NECAB1: variants seen among roughly 807,000 people sequenced by gnomAD.
The protein encoded by NECAB1 is N-terminal EF-hand calcium binding protein 1.
A neutral mutation model predicts 57.5 loss-of-function variants in NECAB1; 29 were observed. That is an observed-to-expected ratio of 0.50 (90% CI 0.38 to 0.69). The LOEUF (loss-of-function observed/expected upper bound fraction) is 0.69, where lower values mean the gene tolerates loss of function less well. Among genes scored for constraint, NECAB1 ranks in the 30% least tolerant of loss-of-function variants. NECAB1 has a pLI of 0.00. For missense variants in NECAB1, 372 were observed against 413.8 expected (o/e 0.90, Z 0.88); for synonymous variants, 142 against 147.7 (o/e 0.96, Z 0.28).
At chr8:90,950,687 G>A (rs1372567042) in intron 11 of NECAB1, among the ~76,000 whole-genome samples, 1 of 152,100 alleles carries the variant, frequency 6.6e-6, no homozygotes, top group Non-Finnish European at 1.5e-5. Flanking sequence ...GACACCAACA[G>A]TATTTCAGCC....
At chr8:90,952,825 G>A (rs1024801602) in intron 12 of NECAB1, among the ~76,000 whole-genome samples, 1 of 142,856 alleles carries the variant, frequency 7.0e-6, no homozygotes, top group African/African-American at 2.9e-5. Flanking sequence ...AAAATAGGGA[G>A]AAAAATCTTA....
chr8:90,813,051 G>C (rs532532614), intron 2 of NECAB1: 5 of 152,182 alleles, frequency 3.3e-5, no homozygotes, highest in Admixed American at 2.6e-4. Context: ...AGCCAGGCGC[G>C]GTGGCGGGTG....
At chr8:90,955,112 T>TTAATTA (rs1234665098) in intron 12 of NECAB1, among the ~76,000 whole-genome samples, 6 of 70,816 alleles carry the variant, frequency 8.5e-5, no homozygotes, top group African/African-American at 2.4e-4. Flanking sequence ...GGTATATAAA[T>TTAATTA]TATATATATA....
At chr8:90,872,829 T>C (rs144311675) in intron 4 of NECAB1, among the ~76,000 whole-genome samples, 8 of 152,334 alleles carry the variant, frequency 5.3e-5, no homozygotes, top group African/African-American at 1.9e-4. Flanking sequence ...TGTTTTAAGA[T>C]AAATGTTTAA....
chr8:90,886,357 C>T (rs10808634), intron 5 of NECAB1, among the ~76,000 whole-genome samples: 81,694 of 151,842 alleles, frequency 0.54, 25,967 homozygotes, highest in African/African-American at 0.87. Context: ...GGTTTACTAT[C>T]TGCTAAATAC....
At chr8:90,903,272 T>A (rs562871250) in intron 5 of NECAB1, among the ~76,000 whole-genome samples, 25 of 152,250 alleles carry the variant, frequency 1.6e-4, no homozygotes, top group African/African-American at 2.6e-4. Context: ...AACAATTTTT[T>A]AAAAATATTT....
chr8:90,930,676 T>C (rs1449677092), intron 8 of NECAB1, among the ~76,000 whole-genome samples: 1 of 152,218 alleles, frequency 6.6e-6, no homozygotes, highest in Non-Finnish European at 1.5e-5. Context: ...GTTAAATTTA[T>C]ATTGAACACT....
intron 2 of NECAB1, among the ~76,000 whole-genome samples, chr8:90,807,241 G>A (rs59269639): frequency 0.019 from 2,906 of 152,200 alleles, 94 homozygotes; most frequent in African/African-American, 0.066. Context: ...AAGAATAGTT[G>A]ATGTAGTATT....
intron 3 of NECAB1, among the ~76,000 whole-genome samples, chr8:90,867,301 C>T (rs1225386539): frequency 6.6e-6 from 1 of 152,058 alleles, no homozygotes; most frequent in Non-Finnish European, 1.5e-5. Flanking sequence ...TTTGGAAATT[C>T]AAAATAAATC....
intron 1 of NECAB1, among the ~76,000 whole-genome samples, chr8:90,795,588 C>T (rs1811646900): frequency 6.6e-6 from 1 of 152,156 alleles, no homozygotes; most frequent in South Asian, 2.1e-4. Context: ...CATATATGCT[C>T]ATTTGTATGA....
intron 1 of NECAB1, among the ~76,000 whole-genome samples, chr8:90,794,849 A>G (rs1351989647): frequency 1.3e-5 from 2 of 152,220 alleles, no homozygotes; most frequent in South Asian, 2.1e-4. Context: ...TGCAGGGACT[A>G]TTTCTTCATG....
At chr8:90,848,897 G>A (rs960028970) in intron 3 of NECAB1, among the ~76,000 whole-genome samples, 2 of 152,132 alleles carry the variant, frequency 1.3e-5, no homozygotes, top group African/African-American at 4.8e-5. Context: ...GTTGCAGTGA[G>A]CCAAGATCAC....
intron 3 of NECAB1, among the ~76,000 whole-genome samples, chr8:90,829,409 A>G (rs903589636): frequency 1.3e-4 from 20 of 152,042 alleles, no homozygotes; most frequent in African/African-American, 4.3e-4. Context: ...TGTGATGTTA[A>G]TTATAGTAGA....
In NECAB1 at chr8:90,896,650, T is replaced by A. The variant is rs182897662; in HGVS notation, c.357+15520T>A. Among the ~76,000 whole-genome samples, 109 of 151,814 alleles carry A rather than the reference T, an allele frequency of 7.2e-4. 2 individuals are homozygous for A. The East Asian group carries it at 0.02, about 28-fold the overall frequency. On this transcript the variant is annotated intron_variant, in intron 5 of 12. Coordinates refer to ENST00000417640, the MANE Select transcript of NECAB1 (RefSeq NM_022351.5). ...ACAAAAACAAAAAAAACAAACAAAC[T>A]AATACGTCAGTATGTTCAATTCTCT...
At chr8:90,844,790 C>G (rs201575720) in intron 3 of NECAB1, among the ~76,000 whole-genome samples, 4 of 72,148 alleles carry the variant, frequency 5.5e-5, no homozygotes, top group South Asian at 4.2e-4. Flanking sequence ...GAGCTACGTT[C>G]TTCTAAATCT....
intron 3 of NECAB1, among the ~76,000 whole-genome samples, chr8:90,835,019 ACTTT>A (rs975914100): frequency 1.0e-4 from 15 of 148,730 alleles, no homozygotes; most frequent in African/African-American, 2.2e-4. Flanking sequence ...GCCCGCATCG[ACTTT>A]CTTTATTAGT....
At chr8:90,902,589 A>G (rs1410138978) in intron 5 of NECAB1, among the ~76,000 whole-genome samples, 1 of 152,204 alleles carries the variant, frequency 6.6e-6, no homozygotes, top group Non-Finnish European at 1.5e-5. Context: ...TTTACAGTTT[A>G]TATTCTATAA....
At chr8:90,926,900 G>A (rs561119594) in intron 7 of NECAB1, among the ~76,000 whole-genome samples, 1 of 152,254 alleles carries the variant, frequency 6.6e-6, no homozygotes, top group East Asian at 1.9e-4. Flanking sequence ...TGGTGCAAGG[G>A]TATATACAGA....
At chr8:90,880,018 C>T (rs1222352529) in intron 4 of NECAB1, among the ~76,000 whole-genome samples, 1 of 152,144 alleles carries the variant, frequency 6.6e-6, no homozygotes, top group Non-Finnish European at 1.5e-5. Context: ...AGTCTGTACA[C>T]TAACTAATAT....
Sources: gnomAD v4.1 joint callset for allele counts (sites outside exome capture counted in the v4.1 genomes callset) on GRCh38, gnomAD v4.1.1 for gene constraint, MANE v1.5 for transcripts, NCBI Gene and HGNC (gene_info 2026-07-23, HGNC 2026-07-21) for gene names.